Variants in SPATA6 observed in about 807,000 individuals in gnomAD.
The protein encoded by SPATA6 is spermatogenesis-associated protein 6.
A neutral mutation model predicts 65.3 loss-of-function variants in SPATA6; 56 were observed. That is an observed-to-expected ratio of 0.86 (90% CI 0.69 to 1.07). SPATA6 has a LOEUF of 1.07. SPATA6 is among the 50% of genes least tolerant of loss of function. The pLI is 0.00. For missense variants in SPATA6, 590 were observed against 594.8 expected, an observed-to-expected ratio of 0.99 and a Z score of 0.08; for synonymous variants, 199 against 213.2, an observed-to-expected ratio of 0.93 and a Z score of 0.58.
the SPATA6 span, among the ~76,000 whole-genome samples, chr1:48,284,795 C>T: frequency 2.6e-5 from 4 of 152,172 alleles, no homozygotes; most frequent in African/African-American, 9.6e-5. Context: ...CTGTTCCTTC[C>T]TCTGGAAGCT....
chr1:48,407,336 A>G (rs1651799926), intron 5 of SPATA6, among the ~76,000 whole-genome samples: 1 of 152,176 alleles, frequency 6.6e-6, no homozygotes, highest in African/African-American at 2.4e-5. Context: ...AGTTTATCTC[A>G]GCCCTTTATT....
rs1229196304 is a variant in SPATA6, at chr1:48,441,018, A to AC, written c.238+10533dup. On this transcript the variant is annotated intron_variant, in intron 3 of 12. Transcript: ENST00000371847. ...GGCCAGTCACCTGGTTGGGCTTGTT[A>AC]CCAGTGTGGTTTGCAAGGACACCGT... Among the ~76,000 whole-genome samples the AC allele has an allele frequency of 2.6e-5, 4 of 152,140 alleles. No homozygotes were observed. The East Asian group carries it at 7.7e-4, about 29-fold the overall frequency.
At chr1:48,437,400 T>C (rs1655036876) in intron 3 of SPATA6, among the ~76,000 whole-genome samples, 1 of 152,262 alleles carries the variant, frequency 6.6e-6, no homozygotes, top group Non-Finnish European at 1.5e-5. Flanking sequence ...CCCTCTGTTT[T>C]GCACAGAGTA....
At chr1:48,416,818 A>T (rs995556715) in intron 3 of SPATA6, among the ~76,000 whole-genome samples, 1 of 152,202 alleles carries the variant, frequency 6.6e-6, no homozygotes, top group Non-Finnish European at 1.5e-5. Flanking sequence ...ATGGTTTAAT[A>T]TTAAAAAATA....
At chr1:48,471,260 A>G (rs1352342143) in intron 1 of SPATA6, among the ~76,000 whole-genome samples, 1 of 152,068 alleles carries the variant, frequency 6.6e-6, no homozygotes, top group Non-Finnish European at 1.5e-5. Context: ...TGGGGTTGCA[A>G]GGTTGGAGAA....
chr1:48,403,616 T>A (rs3738309), intron 6 of SPATA6, among the ~76,000 whole-genome samples, 186 bp downstream of exon 6: 47,137 of 151,914 alleles, frequency 0.31, 8,970 homozygotes, highest in Middle Eastern at 0.44. Flanking sequence ...CACACCAAGC[T>A]CTTCATTCTC....
At chr1:48,342,140 G>T (rs1422180197) in intron 11 of SPATA6, among the ~76,000 whole-genome samples, 1 of 152,086 alleles carries the variant, frequency 6.6e-6, no homozygotes, top group East Asian at 1.9e-4. Context: ...TATACTATGG[G>T]ATCTCTGTCA....
At chr1:48,394,470 T>C (rs1650385597) in intron 8 of SPATA6, among the ~76,000 whole-genome samples, 1 of 152,042 alleles carries the variant, frequency 6.6e-6, no homozygotes, top group African/African-American at 2.4e-5. Flanking sequence ...TAATCTGCTA[T>C]TGTGGATATA....
intron 10 of SPATA6, among the ~76,000 whole-genome samples, chr1:48,358,530 C>T (rs1049578642): frequency 6.6e-6 from 1 of 151,916 alleles, no homozygotes; most frequent in Non-Finnish European, 1.5e-5. Flanking sequence ...TTCTAAAAGT[C>T]GGTAAAAAGA....
At chr1:48,280,288 C>G in the SPATA6 span, among the ~76,000 whole-genome samples, 2 of 152,018 alleles carry the variant, frequency 1.3e-5, no homozygotes, top group African/African-American at 4.8e-5. Flanking sequence ...AAAGCAAGAG[C>G]AAACACATTC....
rs538479168 is a variant in SPATA6 at position 48,361,553 on chromosome 1, G to GACAT, written c.910-1784_910-1783insATGT. On this transcript the variant is annotated intron_variant, in intron 9 of 12. Transcript: ENST00000371847. ...AGTCCCAGTCATGTCCTAAGTTTTG[G>GACAT]GACTACAATAGTGAACAAAACAAAG... 2.7e-3 allele frequency among the ~76,000 whole-genome samples: 417 copies of GACAT among 152,058 alleles called. 1 individual carries two copies. Among genetic ancestry groups the GACAT allele is most frequent in the African/African-American group, 8.5e-3 (354 of 41,470 alleles).
intron 3 of SPATA6, among the ~76,000 whole-genome samples, chr1:48,424,162 A>G (rs911506007): frequency 1.3e-5 from 2 of 152,144 alleles, no homozygotes; most frequent in Non-Finnish European, 2.9e-5. Context: ...TATCCTTCCC[A>G]GCCTCTGGGA....
In SPATA6 at chr1:48,296,918, T is replaced by A. The variant is rs1180160385; in HGVS notation, c.*1795A>T. The A allele has an allele frequency of 2.0e-5, 3 of 152,078 alleles. No homozygotes were observed. The highest frequency in any genetic ancestry group is 4.8e-5 in the African/African-American group (2 of 41,410). The allele number at this position is 152,078 out of a possible 1,614,324, so 9.4% of individuals were successfully genotyped here. A position where few individuals can be genotyped will look rare whatever the true frequency, so the allele number is the denominator to read the frequency against. The stretch of plus-strand genomic sequence containing the variant: ...TAATTCGATAAATATTTAAGGAACA[T>A]CAATTACATGCCAGGCTGTCTACTA... On this transcript the variant is annotated 3_prime_UTR_variant, in exon 13 of 13. Transcript: ENST00000371847.
chr1:48,411,652 C>A, intron 4 of SPATA6, 64 bp from the exon 5 acceptor site: 1 of 1,372,698 alleles, frequency 7.3e-7, no homozygotes, highest in South Asian at 2.0e-5. Flanking sequence ...ACAAAATCAT[C>A]AAGTATGATA....
intron 11 of SPATA6, among the ~76,000 whole-genome samples, chr1:48,348,888 C>A (rs1251410214): frequency 6.6e-6 from 1 of 151,900 alleles, no homozygotes; most frequent in Non-Finnish European, 1.5e-5. Context: ...CATTCTTTTT[C>A]TGACAATGAG....
At chr1:48,292,081 TG>T (rs1345994666), downstream of SPATA6, among the ~76,000 whole-genome samples, 1 of 152,260 alleles carries the variant, frequency 6.6e-6, no homozygotes, top group African/African-American at 2.4e-5. Flanking sequence ...GGTCAGTTAC[TG>T]TAAGTTTGCA....
intron 11 of SPATA6, among the ~76,000 whole-genome samples, chr1:48,313,212 C>T (rs1457711753): frequency 4.6e-5 from 7 of 151,992 alleles, no homozygotes; most frequent in Non-Finnish European, 7.4e-5. Flanking sequence ...AGATACTCCT[C>T]GAGAAGAGCA....
At chr1:48,294,220 G>C (rs1310550452), downstream of SPATA6, among the ~76,000 whole-genome samples, 1 of 152,072 alleles carries the variant, frequency 6.6e-6, no homozygotes, top group African/African-American at 2.4e-5. Flanking sequence ...GGGACTACAG[G>C]TGCATGCCAC....
chr1:48,438,138 G>T (rs1262683689), intron 3 of SPATA6, among the ~76,000 whole-genome samples: 1 of 152,074 alleles, frequency 6.6e-6, no homozygotes, highest in Non-Finnish European at 1.5e-5. Context: ...AAATCTTGCT[G>T]CTGCTCACTC....
Sources: gnomAD v4.1 joint callset for allele counts (sites outside exome capture counted in the v4.1 genomes callset) on GRCh38, gnomAD v4.1.1 for gene constraint, MANE v1.5 for transcripts, NCBI Gene and HGNC (gene_info 2026-07-23, HGNC 2026-07-21) for gene names.